Variants in FIP1L1 observed in about 807,000 individuals in gnomAD.
The protein encoded by FIP1L1 is factor interacting with PAPOLA and CPSF1, also known as pre-mRNA 3'-end-processing factor FIP1.
In FIP1L1, 21 loss-of-function variants were observed where a neutral mutation model predicts 84.6. That is an observed-to-expected ratio of 0.25 (90% CI 0.18 to 0.36). FIP1L1 has a LOEUF of 0.36. Among genes scored for constraint, FIP1L1 ranks in the 10% least tolerant of loss-of-function variants. FIP1L1 has a pLI of 1.00. For missense variants in FIP1L1, 526 were observed against 751.1 expected, an observed-to-expected ratio of 0.70 and a Z score of 3.50; for synonymous variants, 263 against 242.3, an observed-to-expected ratio of 1.09 and a Z score of -0.80.
At chr4:53,410,350 C>G (rs982661801) in intron 10 of FIP1L1, among the ~76,000 whole-genome samples, 39 of 152,188 alleles carry the variant, frequency 2.6e-4, no homozygotes, top group African/African-American at 8.9e-4. Context: ...TCGACAGCTT[C>G]TCGTGTAGTT....
At chr4:53,393,202 A>G (rs1745219721) in intron 9 of FIP1L1, among the ~76,000 whole-genome samples, 1 of 152,206 alleles carries the variant, frequency 6.6e-6, no homozygotes, top group Non-Finnish European at 1.5e-5. Context: ...TGTAGAATGA[A>G]AGGGGTGTGA....
chr4:53,406,438 A>G (rs1004974310), intron 10 of FIP1L1, among the ~76,000 whole-genome samples: 4 of 152,134 alleles, frequency 2.6e-5, no homozygotes, highest in African/African-American at 9.7e-5. Context: ...TTTTTGCGTC[A>G]ATGTTCATCA....
intron 5 of FIP1L1, among the ~76,000 whole-genome samples, chr4:53,384,205 T>C (rs1195612719): frequency 6.6e-6 from 1 of 152,040 alleles, no homozygotes; most frequent in Non-Finnish European, 1.5e-5. Context: ...GGTCAGGAGT[T>C]CAAGACCAGC....
chr4:53,403,389 T>C (rs1751306655), intron 10 of FIP1L1, among the ~76,000 whole-genome samples: 1 of 152,250 alleles, frequency 6.6e-6, no homozygotes, highest in African/African-American at 2.4e-5. Context: ...TAGATTGGTG[T>C]AAAAGTAATT....
rs753525997 is a variant in FIP1L1 at position 53,442,674 on chromosome 4, C to T, written c.1196C>T (p.Ala399Val). 6.2e-7 allele frequency: 1 copy of T among 1,606,300 alleles called. No individual in the cohort carries two copies. Among genetic ancestry groups the T allele is most frequent in the Non-Finnish European group, 8.5e-7 (1 of 1,173,220 alleles). The change falls in exon 14 of 18, where the codon GCT becomes GTT. Residue 399 changes from alanine to valine, a missense_variant. Transcript: ENST00000337488. ...TCAGGTTTTCCTCCTCCACCAGGCG[C>T]TCCACCTCCATCTCTTATACCAACA... ...PPPGFPPPPG[A>V]PPPSLIPTIE...
intron 12 of FIP1L1, among the ~76,000 whole-genome samples, chr4:53,426,512 G>T (rs1159436695): frequency 6.6e-6 from 1 of 151,992 alleles, no homozygotes; most frequent in Non-Finnish European, 1.5e-5. Context: ...TCGGATTTTA[G>T]AGCATTTCAG....
chr4:53,404,073 A>G (rs1274960357), intron 10 of FIP1L1, among the ~76,000 whole-genome samples: 1 of 151,344 alleles, frequency 6.6e-6, no homozygotes, highest in Non-Finnish European at 1.5e-5. Context: ...GTTTAGTTAC[A>G]TATGTATACA....
chr4:53,405,647 A>T (rs557423600), intron 10 of FIP1L1, among the ~76,000 whole-genome samples: 11 of 144,778 alleles, frequency 7.6e-5, no homozygotes, highest in African/African-American at 2.6e-4. Context: ...TGAGCATGGA[A>T]TGTTCTTCCA....
intron 3 of FIP1L1, among the ~76,000 whole-genome samples, chr4:53,381,108 A>G (rs1217261207): frequency 2.6e-5 from 4 of 152,102 alleles, no homozygotes; most frequent in African/African-American, 9.7e-5. Context: ...CTATGGGGGA[A>G]AAAACAATTT....
chr4:53,448,282 T>G (rs541592554), intron 15 of FIP1L1, among the ~76,000 whole-genome samples: 1 of 151,868 alleles, frequency 6.6e-6, no homozygotes, highest in Non-Finnish European at 1.5e-5. Flanking sequence ...ATCTATTACA[T>G]ATCTATGTGT....
chr4:53,416,470 C>T (rs1346527434), intron 11 of FIP1L1, among the ~76,000 whole-genome samples: 1 of 152,144 alleles, frequency 6.6e-6, no homozygotes, highest in Non-Finnish European at 1.5e-5. Flanking sequence ...ATTCGGAAAG[C>T]CTCTTCAAAC....
At chr4:53,382,561 G>A (rs1738664713) in intron 4 of FIP1L1, among the ~76,000 whole-genome samples, 1 of 152,184 alleles carries the variant, frequency 6.6e-6, no homozygotes, top group South Asian at 2.1e-4. Context: ...ATGTGCAAAG[G>A]CTTGATGTTT....
At chr4:53,392,006 A>G (rs564967502) in intron 9 of FIP1L1, among the ~76,000 whole-genome samples, 1 of 152,336 alleles carries the variant, frequency 6.6e-6, no homozygotes, top group Non-Finnish European at 1.5e-5. Flanking sequence ...ACATAATGAG[A>G]TACTGCCATT....
At chr4:53,399,617 A>G (rs1438192511) in intron 9 of FIP1L1, 113 bp from the exon 10 acceptor site, 7 of 683,400 alleles carry the variant, frequency 1.0e-5, no homozygotes, top group Non-Finnish European at 1.7e-5. Context: ...GCAAAGGAAC[A>G]TTCTTAGTGT....
chr4:53,389,968 T>A, intron 6 of FIP1L1, 95 bp downstream of exon 6: 1 of 891,958 alleles, frequency 1.1e-6, no homozygotes. Flanking sequence ...GGACAGAGTC[T>A]GGCTCTGTCA....
intron 3 of FIP1L1, among the ~76,000 whole-genome samples, chr4:53,381,750 A>ATTTTTTTTTTT (rs1233462083): frequency 1.7e-4 from 11 of 63,056 alleles, no homozygotes; most frequent in African/African-American, 5.8e-4. Context: ...AGGCATTTGC[A>ATTTTTTTTTTT]TTCTTTTTTT....
chr4:53,412,878 C>T (rs948076309), intron 10 of FIP1L1, among the ~76,000 whole-genome samples: 4 of 152,000 alleles, frequency 2.6e-5, no homozygotes, highest in Non-Finnish European at 5.9e-5. Flanking sequence ...ACTGTAATGG[C>T]TGCAAAATAG....
At chr4:53,393,067 G>A (rs1036623496) in intron 9 of FIP1L1, among the ~76,000 whole-genome samples, 15 of 152,166 alleles carry the variant, frequency 9.9e-5, no homozygotes, top group African/African-American at 3.6e-4. Context: ...TGATGAGCAG[G>A]ACATTGATTT....
At chr4:53,405,290 C>G (rs1484202490) in intron 10 of FIP1L1, among the ~76,000 whole-genome samples, 27 of 152,000 alleles carry the variant, frequency 1.8e-4, no homozygotes, top group East Asian at 1.6e-3. Context: ...GCTTGTTTTT[C>G]TCAGGTTTGT....
Sources: gnomAD v4.1 joint callset for allele counts (sites outside exome capture counted in the v4.1 genomes callset) on GRCh38, gnomAD v4.1.1 for gene constraint, MANE v1.5 for transcripts, NCBI Gene and HGNC (gene_info 2026-07-23, HGNC 2026-07-21) for gene names.